Variants in BICC1 observed in about 807,000 individuals in gnomAD.
BICC1 encodes protein bicaudal C homolog 1.
BICC1 carries 43 observed loss-of-function variants against 111.0 expected under a neutral mutation model. The ratio of observed to expected loss-of-function variants is 0.39; its 90% CI spans 0.30 to 0.50. The LOEUF is 0.50. Among genes scored for constraint, BICC1 ranks in the 20% least tolerant of loss-of-function variants. BICC1 has a pLI of 0.88. For missense variants in BICC1, 1,091 were observed against 1,203.2 expected (o/e 0.91, Z 1.38); for synonymous variants, 467 against 434.4 (o/e 1.07, Z -0.93).
chr10:58,582,543 TTGTATTTCCTATTGTTGC>T (rs1844312061), intron 1 of BICC1, among the ~76,000 whole-genome samples: 1 of 152,226 alleles, frequency 6.6e-6, no homozygotes, highest in African/African-American at 2.4e-5. Context: ...TCAAGGCCAC[TTGTATTTCCTATTGTTGC>T]TGTAATAAAT....
intron 2 of BICC1, among the ~76,000 whole-genome samples, chr10:58,648,055 T>G (rs1174054687): frequency 6.6e-6 from 1 of 152,240 alleles, no homozygotes; most frequent in Non-Finnish European, 1.5e-5. Flanking sequence ...GTTTCTTGCC[T>G]TACTTTAATT....
chr10:58,798,180 T>C (rs1339866945), intron 10 of BICC1, among the ~76,000 whole-genome samples: 59 of 152,186 alleles, frequency 3.9e-4, no homozygotes, highest in Admixed American at 3.9e-3. Flanking sequence ...CTATCTTCCA[T>C]TTTCTGATAG....
chr10:58,795,137 T>C (rs939137612), intron 9 of BICC1, among the ~76,000 whole-genome samples: 1 of 151,806 alleles, frequency 6.6e-6, no homozygotes, highest in Non-Finnish European at 1.5e-5. Context: ...AAATCCGAAA[T>C]AAGAAAATAA....
At chr10:58,623,929 A>G (rs1413130490) in intron 2 of BICC1, among the ~76,000 whole-genome samples, 1 of 152,122 alleles carries the variant, frequency 6.6e-6, no homozygotes, top group Non-Finnish European at 1.5e-5. Context: ...TTTTGCAGGC[A>G]CTATTCACCA....
chr10:58,591,127 G>A (rs1844602592), intron 1 of BICC1, among the ~76,000 whole-genome samples: 2 of 152,060 alleles, frequency 1.3e-5, no homozygotes, highest in African/African-American at 2.4e-5. Flanking sequence ...TGTATTTGAA[G>A]GTGCCACATA....
At position 58,770,932 on chromosome 10, in the gene BICC1, G is replaced by A. The variant is rs182372644; in HGVS notation, c.308-14069G>A. Among the ~76,000 whole-genome samples, 14 of 152,228 alleles carry A rather than the reference G, an allele frequency of 9.2e-5. No homozygotes were observed. In the East Asian group the frequency reaches 1.5e-3, roughly 17 times the overall value. On this transcript the variant is annotated intron_variant, in intron 3 of 20. Transcript: ENST00000373886. ...AAGAGCTGAAATGGTAACTATTGTC[G>A]TAATCCTTCATTTAGTTACTAATAA...
intron 1 of BICC1, among the ~76,000 whole-genome samples, chr10:58,552,428 C>T (rs926789477): frequency 1.3e-4 from 19 of 151,964 alleles, no homozygotes; most frequent in African/African-American, 4.4e-4. Context: ...CTCCGCCTCC[C>T]GGGTTCATGC....
chr10:58,684,472 C>G (rs1839646365), intron 2 of BICC1, among the ~76,000 whole-genome samples: 1 of 152,144 alleles, frequency 6.6e-6, no homozygotes, highest in African/African-American at 2.4e-5. Flanking sequence ...CTTTGTACCT[C>G]TGGTAGAAAT....
intron 1 of BICC1, among the ~76,000 whole-genome samples, chr10:58,617,780 G>A (rs1028551389): frequency 6.6e-5 from 10 of 152,232 alleles, no homozygotes; most frequent in Non-Finnish European, 5.9e-5. Context: ...CCCATATAGG[G>A]CCAAGCCATG....
chr10:58,779,697 A>G (rs989909273), intron 3 of BICC1, among the ~76,000 whole-genome samples: 1 of 152,200 alleles, frequency 6.6e-6, no homozygotes, highest in African/African-American at 2.4e-5. Flanking sequence ...TTATGGCTAA[A>G]TTGCGATTAA....
At chr10:58,624,408 A>G (rs1845922111) in intron 2 of BICC1, among the ~76,000 whole-genome samples, 1 of 152,226 alleles carries the variant, frequency 6.6e-6, no homozygotes, top group African/African-American at 2.4e-5. Context: ...AGAAAAATTT[A>G]CTAAGACTGT....
intron 1 of BICC1, among the ~76,000 whole-genome samples, chr10:58,579,731 G>A (rs1844215074): frequency 6.6e-6 from 1 of 152,144 alleles, no homozygotes; most frequent in African/African-American, 2.4e-5. Flanking sequence ...CCCCTACTCA[G>A]TTGGCTGAGT....
chr10:58,711,146 A>G (rs1392363905), intron 3 of BICC1, among the ~76,000 whole-genome samples: 2 of 152,184 alleles, frequency 1.3e-5, no homozygotes, highest in Non-Finnish European at 2.9e-5. Context: ...CTGTGCCTAC[A>G]GAATATTTTG....
intron 2 of BICC1, among the ~76,000 whole-genome samples, chr10:58,692,726 G>A (rs1364666255): frequency 6.6e-6 from 1 of 152,042 alleles, no homozygotes; most frequent in African/African-American, 2.4e-5. Context: ...CAGGAGTCTG[G>A]ATCAGCTTCC....
intron 3 of BICC1, among the ~76,000 whole-genome samples, chr10:58,780,699 C>G (rs1842860682): frequency 6.6e-6 from 1 of 151,970 alleles, no homozygotes; most frequent in African/African-American, 2.4e-5. Context: ...GGAATGTTTC[C>G]AAGGATGGAA....
At chr10:58,611,474 TTTC>T (rs892052182) in intron 1 of BICC1, among the ~76,000 whole-genome samples, 8 of 151,106 alleles carry the variant, frequency 5.3e-5, no homozygotes, top group Non-Finnish European at 8.8e-5. Context: ...TGTTTTTTTG[TTTC>T]TTCTTTTTTT....
At chr10:58,721,840 C>T (rs1181161688) in intron 3 of BICC1, among the ~76,000 whole-genome samples, 2 of 152,116 alleles carry the variant, frequency 1.3e-5, no homozygotes, top group African/African-American at 4.8e-5. Context: ...TGATGTGGCT[C>T]CTGCCAGGTT....
chr10:58,756,214 T>C (rs1349561298), intron 3 of BICC1, among the ~76,000 whole-genome samples: 2 of 152,152 alleles, frequency 1.3e-5, no homozygotes, highest in Non-Finnish European at 2.9e-5. Flanking sequence ...TAGAAGGCAA[T>C]AGATCTTCTT....
rs571003504 is a variant in BICC1 at position 58,789,323 on chromosome 10, C to T, written c.662C>T (p.Pro221Leu). The T allele has an allele frequency of 3.5e-5, 56 of 1,614,034 alleles. No homozygotes were observed. The South Asian group carries it at 5.6e-4, about 16-fold the overall frequency. Residue 221 changes from proline to leucine, a missense_variant, in exon 7 of 21, where the codon CCT becomes CTT. Pro to Leu is a moderately conservative substitution (Grantham distance 98). This residue lies in a region of BICC1 where 843 missense variants were observed against 900.8 expected (regional missense o/e 0.94). Transcript: ENST00000373886. ...ATTGCTGGAATTCTTCAACCGGTTC[C>T]TGATCCTAATTCCCCCTCTATTCAG... ...LPIAGILQPV[P>L]DPNSPSIQHI...
Sources: allele counts gnomAD v4.1 joint callset (sites outside exome capture counted in the v4.1 genomes callset), GRCh38; gene constraint gnomAD v4.1.1; regional missense constraint gnomAD v4.1.1; transcripts MANE v1.5; gene names NCBI Gene and HGNC (gene_info 2026-07-23, HGNC 2026-07-21).